Variants in MYO18B observed in about 807,000 individuals in gnomAD.
The protein encoded by MYO18B is unconventional myosin-XVIIIb.
Under a neutral mutation model 273.0 loss-of-function variants are expected in MYO18B, and 204 were observed. The ratio of observed to expected loss-of-function variants is 0.75; its 90% confidence interval spans 0.67 to 0.84. The LOEUF (loss-of-function observed/expected upper bound fraction) is 0.84. Ranked by LOEUF, MYO18B falls within the 40% of genes least tolerant of loss-of-function variation. The pLI is 0.00. For synonymous variants in MYO18B, 1,330 were observed against 1,305.7 expected, an observed-to-expected ratio of 1.02 and a Z score of -0.40; for missense variants, 3,212 against 3,287.6, an observed-to-expected ratio of 0.98 and a Z score of 0.56.
intron 1 of MYO18B, among the ~76,000 whole-genome samples, chr22:25,757,704 G>A (rs779616046): frequency 1.3e-5 from 2 of 152,142 alleles, no homozygotes; most frequent in East Asian, 1.9e-4. Context: ...CAGAGGGCCC[G>A]GCCAACCAGA....
Position 25,805,835 on chromosome 22 carries a change from TAC to T in MYO18B, c.2521+7739_2521+7740del, listed in dbSNP as rs540496282. On this transcript the variant is annotated intron_variant, in intron 12 of 43. Transcript: ENST00000335473. ...CAGTCTTGTCCTCTCCCGCTGTCCC[TAC>T]TTCCCTTTGTCAACCCCTCAGCTCT... Among the ~76,000 whole-genome samples the T allele has an allele frequency of 3.5e-4, 53 of 152,334 alleles. No individual in the cohort carries two copies. The South Asian group carries it at 0.011, about 31-fold the overall frequency.
At chr22:26,012,537 C>T (rs1197461780) in intron 42 of MYO18B, among the ~76,000 whole-genome samples, 3 of 152,162 alleles carry the variant, frequency 2.0e-5, no homozygotes, top group African/African-American at 7.2e-5. Flanking sequence ...AATGCAAACA[C>T]ATTAACCATG....
At chr22:25,813,133 C>T (rs1489665436) in intron 12 of MYO18B, among the ~76,000 whole-genome samples, 1 of 150,496 alleles carries the variant, frequency 6.6e-6, no homozygotes, top group Non-Finnish European at 1.5e-5. Flanking sequence ...CCTTCCCTCT[C>T]CCTCCTCCTC....
chr22:25,826,336 C>A, intron 13 of MYO18B, 73 bp from the exon 14 acceptor site: 1 of 1,126,632 alleles, frequency 8.9e-7, no homozygotes, highest in Non-Finnish European at 1.3e-6. Context: ...GTGGTCCCTA[C>A]TGCTCTGCAG....
chr22:25,828,908 G>A lies in MYO18B; in HGVS notation c.2919G>A (p.Glu973=), dbSNP rs755395365. The stretch of plus-strand genomic sequence containing the variant: ...AGCTGTGCCACAACTACGCCCATGA[G>A]CGCCTGCAGCTGCTGTTCTACCAGC... The part of the protein sequence containing the change: ...FEELCHNYAH[E]RLQLLFYQRT... Residue 973 remains glutamate, a synonymous_variant, in exon 15 of 44, where the codon GAG becomes GAA. Transcript: ENST00000335473. 7 of 1,614,028 alleles carry A rather than the reference G, an allele frequency of 4.3e-6. No individual in the cohort carries two copies. The Admixed American group carries it at 1.2e-4, about 27-fold the overall frequency.
chr22:25,770,715 C>T (rs2086685658), intron 5 of MYO18B, among the ~76,000 whole-genome samples, 157 bp from the exon 6 acceptor site: 1 of 152,136 alleles, frequency 6.6e-6, no homozygotes, highest in South Asian at 2.1e-4. Context: ...CAACTCAGCT[C>T]CAAGTGAATA....
chr22:25,945,596 G>A (rs913727900), intron 34 of MYO18B, among the ~76,000 whole-genome samples: 2 of 151,966 alleles, frequency 1.3e-5, no homozygotes, highest in Non-Finnish European at 1.5e-5. Context: ...CATGAGGGCC[G>A]CCTGTATATT....
the MYO18B span, among the ~76,000 whole-genome samples, chr22:26,051,098 C>T: frequency 6.6e-5 from 10 of 151,652 alleles, no homozygotes; most frequent in African/African-American, 2.4e-4. Context: ...AGTAAGACTT[C>T]AAGACAGTGA....
downstream of MYO18B, among the ~76,000 whole-genome samples, chr22:26,035,276 G>A (rs984909239): frequency 1.1e-4 from 16 of 152,212 alleles, no homozygotes; most frequent in African/African-American, 3.4e-4. Context: ...CTACTCTCAA[G>A]CCAGTCAACT....
intron 39 of MYO18B, among the ~76,000 whole-genome samples, chr22:25,960,427 C>T (rs2092905560): frequency 6.6e-6 from 1 of 152,150 alleles, no homozygotes; most frequent in South Asian, 2.1e-4. Flanking sequence ...ACCAGGTGCA[C>T]CTATTTCAGA....
the MYO18B span, among the ~76,000 whole-genome samples, chr22:26,046,588 C>G: frequency 6.6e-6 from 1 of 152,176 alleles, no homozygotes; most frequent in Non-Finnish European, 1.5e-5. Context: ...TGTTAGAGCA[C>G]CAGCATTTCT....
At position 25,831,539 on chromosome 22, in the gene MYO18B, C is replaced by T. The variant is rs184315761; in HGVS notation, c.2980-1378C>T. Among the ~76,000 whole-genome samples the T allele has an allele frequency of 2.3e-3, 349 of 152,268 alleles. 1 individual carries two copies. Among genetic ancestry groups the T allele is most frequent in the African/African-American group, 7.9e-3 (329 of 41,552 alleles). On this transcript the variant is annotated intron_variant, in intron 15 of 43. Coordinates refer to ENST00000335473, the MANE Select transcript of MYO18B (RefSeq NM_032608.7). The stretch of plus-strand genomic sequence containing the variant: ...CTGGGATTACAGGCACCTGCCACCA[C>T]GCCTGGCTAATTTTTGTATTTTTAG...
intron 11 of MYO18B, among the ~76,000 whole-genome samples, chr22:25,794,250 A>G (rs908788825): frequency 6.6e-6 from 1 of 151,816 alleles, no homozygotes; most frequent in African/African-American, 2.4e-5. Context: ...TCTTTCACCC[A>G]GGCTGGAGTG....
At chr22:25,817,992 G>A (rs540779689) in intron 12 of MYO18B, among the ~76,000 whole-genome samples, 113 of 152,256 alleles carry the variant, frequency 7.4e-4, no homozygotes, top group African/African-American at 2.5e-3. Context: ...GGAACTGTGG[G>A]CCCATCTGCC....
chr22:26,009,067 C>A lies in MYO18B; in HGVS notation c.6470+4212C>A, dbSNP rs577093453. The stretch of plus-strand genomic sequence containing the variant: ...CATCGGGCAGTCGCTGTTCTCATTT[C>A]CTGGGCAATTATTCCAAACCATCCT... On this transcript the variant is annotated intron_variant, in intron 42 of 43. Coordinates refer to ENST00000335473, the MANE Select transcript of MYO18B (RefSeq NM_032608.7). Among the ~76,000 whole-genome samples the A allele has an allele frequency of 2.0e-5, 3 of 152,316 alleles. No homozygotes were observed. In the East Asian group the frequency reaches 5.8e-4, roughly 29 times the overall value.
chr22:25,899,380 G>T (rs2091883657), intron 29 of MYO18B: 2 of 152,168 alleles, frequency 1.3e-5, no homozygotes, highest in African/African-American at 4.8e-5. Flanking sequence ...TAGGTGGGAA[G>T]CAGCCTCTTT....
chr22:26,026,513 C>T lies in MYO18B; in HGVS notation c.6539C>T (p.Thr2180Ile), dbSNP rs1936251424. The change falls in exon 43 of 44, where the codon ACC becomes ATC. Residue 2180 changes from threonine (T) to isoleucine (I), a missense_variant. Physicochemically the swap from Thr to Ile is moderately conservative, Grantham distance 89. Coordinates refer to ENST00000335473, the MANE Select transcript of MYO18B (RefSeq NM_032608.7). ...TTGGCACTGAGCAGAGCCCGGTCCA[C>T]CAATGTCCACAGCAAGACCTCAGGA... The part of the protein sequence containing the change: ...SALALSRARS[T>I]NVHSKTSGDK... The T allele has an allele frequency of 1.2e-6, 2 of 1,613,922 alleles. No individual in the cohort carries two copies. The highest frequency in any genetic ancestry group is 1.6e-4 in the Middle Eastern group (1 of 6,062).
chr22:26,003,660 G>T (rs146266908), intron 41 of MYO18B, among the ~76,000 whole-genome samples: 6 of 152,062 alleles, frequency 3.9e-5, no homozygotes, highest in Non-Finnish European at 8.8e-5. Context: ...TTTATGCCCC[G>T]ACCTTTATGA....
intron 12 of MYO18B, among the ~76,000 whole-genome samples, chr22:25,806,380 G>C (rs117817321): frequency 0.02 from 3,025 of 152,222 alleles, 78 homozygotes; most frequent in East Asian, 0.11. Context: ...TTACAGATTT[G>C]TCTCGAGAGG....
Sources: allele counts gnomAD v4.1 joint callset (sites outside exome capture counted in the v4.1 genomes callset), GRCh38; gene constraint gnomAD v4.1.1; transcripts MANE v1.5; gene names NCBI Gene and HGNC (gene_info 2026-07-23, HGNC 2026-07-21).